Variants in MRPL23 observed in about 807,000 individuals in gnomAD.
MRPL23 encodes the protein mitochondrial ribosomal protein L23.
For missense variants in MRPL23, 25 were observed against 81.3 expected, an observed-to-expected ratio of 0.31 and a Z score of 2.66; for synonymous variants, 12 against 34.8, an observed-to-expected ratio of 0.35 and a Z score of 2.30.
At chr11:1,971,289 G>A (rs1371084292) in intron 4 of MRPL23, among the ~76,000 whole-genome samples, 1 of 108,160 alleles carries the variant, frequency 9.2e-6, no homozygotes, top group African/African-American at 2.7e-5. Flanking sequence ...CCACACAGAG[G>A]GCCCCCCAGT....
rs556032726 is a variant in MRPL23 at position 1,978,882 on chromosome 11, C to CG, written c.498-5553dup. Among the ~76,000 whole-genome samples the CG allele has an allele frequency of 4.5e-3, 415 of 91,872 alleles. 8 individuals carry two copies. The highest frequency in any genetic ancestry group is 0.015 in the African/African-American group (394 of 26,232). The allele number at this position is 91,872 out of a possible 152,430, so 60.3% of individuals were successfully genotyped here. A position where few individuals can be genotyped will look rare whatever the true frequency, so the allele number is the denominator to read the frequency against. On this transcript the variant is annotated intron_variant, in intron 5 of 5. Coordinates refer to the MRPL23 transcript ENST00000397297. Reference sequence around the variant, plus strand: ...TGGCCAGGTTGTGGGAGGCTTCCGGCGGGCGGCAGGTGGAGGAACAAAGGC... The same window carrying CG: ...TGGCCAGGTTGTGGGAGGCTTCCGGCGGGGCGGCAGGTGGAGGAACAAAGGC...
intron 2 of MRPL23, 102 bp downstream of exon 2, chr11:1,951,123 AG>A: frequency 7.8e-6 from 1 of 127,654 alleles, no homozygotes; most frequent in Non-Finnish European, 1.3e-5. Flanking sequence ...GAGTGCCCTC[AG>A]GGGGGCCTGG....
intron 2 of MRPL23, 42 bp downstream of exon 2, chr11:1,951,063 CG>C (rs886584064): frequency 1.1e-5 from 1 of 89,370 alleles, no homozygotes; most frequent in Non-Finnish European, 1.9e-5. Context: ...GGAGCACCCT[CG>C]GGGGGATCCC....
intron 4 of MRPL23, among the ~76,000 whole-genome samples, chr11:1,970,876 T>G (rs1338640676): frequency 1.3e-5 from 1 of 74,102 alleles, no homozygotes; most frequent in Non-Finnish European, 3.1e-5. Context: ...CTGTCCCACC[T>G]CGTTATGTCG....
chr11:1,953,751 AGCC>A (rs1554897354), intron 4 of MRPL23, among the ~76,000 whole-genome samples: 1 of 91,372 alleles, frequency 1.1e-5, no homozygotes, highest in Non-Finnish European at 2.1e-5. Context: ...CTCCTGGGCC[AGCC>A]GGCCTGTTGT....
intron 4 of MRPL23, among the ~76,000 whole-genome samples, chr11:1,971,291 C>A (rs1235007271): frequency 9.2e-6 from 1 of 108,480 alleles, no homozygotes; most frequent in Admixed American, 9.3e-5. Flanking sequence ...ACACAGAGGG[C>A]CCCCCAGTGC....
At chr11:1,988,657 C>A (rs1200481379), downstream of MRPL23, among the ~76,000 whole-genome samples, 1 of 123,926 alleles carries the variant, frequency 8.1e-6, no homozygotes, top group Non-Finnish European at 1.7e-5. Flanking sequence ...CAGCAGCAGG[C>A]AGGGACCTTC....
At chr11:1,992,843 TCCCAGCCC>T in the MRPL23 span, among the ~76,000 whole-genome samples, 1 of 78,860 alleles carries the variant, frequency 1.3e-5, no homozygotes, top group Non-Finnish European at 2.8e-5. Context: ...TCGGGCGGGC[TCCCAGCCC>T]CCGCCCCGGG....
At chr11:1,991,550 T>TCACACACACACACA in the MRPL23 span, among the ~76,000 whole-genome samples, 8 of 67,822 alleles carry the variant, frequency 1.2e-4, no homozygotes, top group East Asian at 1.1e-3. Context: ...TTGTCAGGCA[T>TCACACACACACACA]CACACACACA....
the MRPL23 span, chr11:1,992,345 T>C: frequency 1.0e-5 from 1 of 97,830 alleles, no homozygotes; most frequent in African/African-American, 2.6e-5. Context: ...CGCCAGGAGA[T>C]GCGTGCACCG....
chr11:1,993,222 G>T, the MRPL23 span: 5 of 94,656 alleles, frequency 5.3e-5, no homozygotes, highest in African/African-American at 1.5e-4. Flanking sequence ...TTCCCCAGCG[G>T]GTGTGAGGAG....
downstream of MRPL23, among the ~76,000 whole-genome samples, chr11:1,977,752 TA>T (rs77789484): frequency 3.2e-4 from 26 of 81,098 alleles, 10 homozygotes; most frequent in African/African-American, 2.0e-3. Flanking sequence ...GCTCAATGGC[TA>T]TAATGGCTAG....
the MRPL23 span, chr11:1,991,900 G>T: frequency 7.6e-6 from 1 of 131,318 alleles, no homozygotes; most frequent in Admixed American, 7.8e-5. Flanking sequence ...CCAAAACATC[G>T]CTTTGTCCCT....
the MRPL23 span, among the ~76,000 whole-genome samples, chr11:1,991,686 T>C: frequency 7.5e-6 from 1 of 133,244 alleles, no homozygotes; most frequent in Non-Finnish European, 1.7e-5. Context: ...GCTGACCTCC[T>C]GGCCCCCATG....
chr11:1,988,961 C>T (rs1856845095), downstream of MRPL23, among the ~76,000 whole-genome samples: 1 of 142,648 alleles, frequency 7.0e-6, no homozygotes, highest in Admixed American at 7.0e-5. Flanking sequence ...ACACACGCTC[C>T]CAGGCGCTTC....
In MRPL23 at chr11:1,953,662, C is replaced by T. The variant is rs217208; in HGVS notation, c.297+807C>T. 2.9e-5 allele frequency among the ~76,000 whole-genome samples: 3 copies of T among 102,584 alleles called. 1 individual carries two copies. The highest frequency in any genetic ancestry group is 7.8e-5 in the African/African-American group (2 of 25,544). 67.3% of individuals were successfully genotyped at this position (102,584 alleles called of 152,430 possible). A position where few individuals can be genotyped will look rare whatever the true frequency, so the allele number is the denominator to read the frequency against. ...CCTTACTGGGTGGGGATGGGGTTGT[C>T]TTCCGGTGTAAATGGTCCCTGGAGG... On this transcript the variant is annotated intron_variant, in intron 4 of 4. Transcript: ENST00000397298.
downstream of MRPL23, among the ~76,000 whole-genome samples, chr11:1,960,067 C>T (rs1856464565): frequency 1.8e-5 from 2 of 112,550 alleles, no homozygotes; most frequent in African/African-American, 3.1e-5. Context: ...CCCTCGGGAC[C>T]GCACCGGGCT....
the MRPL23 span, among the ~76,000 whole-genome samples, chr11:1,990,498 AGCCCT>A: frequency 7.0e-6 from 1 of 143,004 alleles, no homozygotes; most frequent in South Asian, 2.6e-4. Flanking sequence ...CCTGCCTTGC[AGCCCT>A]GCCCTGGGTC....
chr11:1,991,711 G>A, the MRPL23 span, among the ~76,000 whole-genome samples: 1 of 128,330 alleles, frequency 7.8e-6, no homozygotes, highest in African/African-American at 2.6e-5. Context: ...GAGGGCCGAG[G>A]AGGGCCCCCG....
Sources: gnomAD v4.1 joint callset for allele counts (sites outside exome capture counted in the v4.1 genomes callset) on GRCh38, gnomAD v4.1.1 for gene constraint, MANE v1.5 for transcripts, NCBI Gene and HGNC (gene_info 2026-07-23, HGNC 2026-07-21) for gene names.